The following FER1L6 variants were observed in gnomAD, a reference collection of about 807,000 sequenced individuals.
FER1L6 encodes fer-1-like protein 6.
A neutral mutation model predicts 219.2 loss-of-function variants in FER1L6; 177 were observed. The observed-to-expected ratio is 0.81, with a 90% CI of 0.71 to 0.91. The LOEUF (loss-of-function observed/expected upper bound fraction) is 0.91. Ranked by LOEUF, FER1L6 falls within the 40% of genes least tolerant of loss-of-function variation. The probability of loss-of-function intolerance (pLI) is 0.00; values close to 1 mark genes in which losing one functional copy is unlikely to be tolerated. For missense variants in FER1L6, 2,153 were observed against 2,259.9 expected (o/e 0.95, Z 0.96); for synonymous variants, 768 against 824.3 (o/e 0.93, Z 1.17).
At chr8:123,872,110 G>A (rs1433221347) in intron 1 of FER1L6, among the ~76,000 whole-genome samples, 4 of 152,134 alleles carry the variant, frequency 2.6e-5, no homozygotes, top group African/African-American at 9.7e-5. Context: ...GAGTGAGAGA[G>A]AGAGTGAGGT....
chr8:124,096,900 T>G (rs1186701780), intron 35 of FER1L6, among the ~76,000 whole-genome samples: 2 of 152,006 alleles, frequency 1.3e-5, no homozygotes, highest in African/African-American at 4.8e-5. Flanking sequence ...GGCAAAATGT[T>G]TTTTCCTCTG....
chr8:123,868,057 CT>C (rs1295007812), intron 1 of FER1L6, among the ~76,000 whole-genome samples: 3 of 152,122 alleles, frequency 2.0e-5, no homozygotes, highest in African/African-American at 7.2e-5. Context: ...GTGTCTCTGG[CT>C]TTTTTCCCTC....
chr8:124,087,803 CTAAGCACAG>C (rs1347180167), intron 33 of FER1L6, among the ~76,000 whole-genome samples: 1 of 152,200 alleles, frequency 6.6e-6, no homozygotes, highest in Non-Finnish European at 1.5e-5. Flanking sequence ...TTAGGGGACA[CTAAGCACAG>C]TAATACTGTG....
At chr8:123,982,042 C>A (rs1816346658) in intron 11 of FER1L6, among the ~76,000 whole-genome samples, 1 of 152,174 alleles carries the variant, frequency 6.6e-6, no homozygotes, top group Admixed American at 6.5e-5. Context: ...CTCCTCTGAG[C>A]TCACATACTG....
chr8:123,939,274 A>G, intron 1 of FER1L6: 2 of 860,614 alleles, frequency 2.3e-6, no homozygotes, highest in South Asian at 5.3e-5. Flanking sequence ...GATAAATTTT[A>G]TTACATATTG....
intron 1 of FER1L6, among the ~76,000 whole-genome samples, chr8:123,877,705 T>C (rs1201669392): frequency 2.0e-5 from 3 of 150,440 alleles, no homozygotes; most frequent in African/African-American, 7.4e-5. Flanking sequence ...TTTCAAAAAA[T>C]CCACCGGAAT....
chr8:124,031,313 G>A (rs1269052689), intron 18 of FER1L6, among the ~76,000 whole-genome samples: 1 of 152,152 alleles, frequency 6.6e-6, no homozygotes, highest in Admixed American at 6.6e-5. Context: ...TCCCAAAATA[G>A]GGGGAAATCA....
At chr8:124,081,419 G>A (rs1037330189) in intron 32 of FER1L6, among the ~76,000 whole-genome samples, 4 of 152,014 alleles carry the variant, frequency 2.6e-5, no homozygotes, top group Admixed American at 2.6e-4. Context: ...TTAGGAACCT[G>A]GCACTTATCT....
At chr8:123,869,948 A>T (rs571044361) in intron 1 of FER1L6, among the ~76,000 whole-genome samples, 2 of 152,252 alleles carry the variant, frequency 1.3e-5, no homozygotes, top group Non-Finnish European at 2.9e-5. Context: ...GGATAGAGAA[A>T]GAAGACTTTT....
chr8:124,089,077 T>G (rs961899458), intron 33 of FER1L6, among the ~76,000 whole-genome samples: 8 of 152,164 alleles, frequency 5.3e-5, no homozygotes, highest in African/African-American at 1.9e-4. Context: ...GCACAGGAAT[T>G]TCAGTCCCTG....
In FER1L6 at chr8:124,070,462, TA is replaced by T. The variant is rs749852117; in HGVS notation, c.3835-2del. The T allele has an allele frequency of 1.4e-5, 23 of 1,613,078 alleles. No individual in the cohort carries two copies. In the African/African-American group the frequency reaches 2.5e-4, roughly 18 times the overall value. ...TTAGCACAATCTTCTCCCTTTTCCCTAAAGATATATGACGGTGATCTCGAGA... is the reference window on the plus strand; with the variant it reads ...TTAGCACAATCTTCTCCCTTTTCCCTAAGATATATGACGGTGATCTCGAGA... On this transcript the variant is annotated splice_region_variant and splice_polypyrimidine_tract_variant and intron_variant, in intron 29 of 40. Coordinates refer to ENST00000522917, the MANE Select transcript of FER1L6 (RefSeq NM_001039112.2).
At chr8:124,063,678 G>C (rs763229238) in intron 25 of FER1L6, among the ~76,000 whole-genome samples, 1 of 152,188 alleles carries the variant, frequency 6.6e-6, no homozygotes, top group Non-Finnish European at 1.5e-5. Context: ...ACCCATAAGA[G>C]TTTGTTGGGT....
At chr8:124,064,886 T>A (rs1204063202) in intron 26 of FER1L6, among the ~76,000 whole-genome samples, 2 of 152,202 alleles carry the variant, frequency 1.3e-5, no homozygotes, top group Non-Finnish European at 2.9e-5. Context: ...CCACAAATAT[T>A]TAGGTCCTAC....
chr8:123,934,912 A>G (rs959305196), intron 1 of FER1L6, among the ~76,000 whole-genome samples: 3 of 152,136 alleles, frequency 2.0e-5, no homozygotes, highest in South Asian at 4.2e-4. Context: ...CCGCCATGGT[A>G]AGATGTGCTT....
At chr8:123,888,619 T>C (rs148902832) in intron 1 of FER1L6, among the ~76,000 whole-genome samples, 1,680 of 152,254 alleles carry the variant, frequency 0.011, 14 homozygotes, top group Non-Finnish European at 0.017. Flanking sequence ...TTGGGGAGGT[T>C]TGGCCTTTAA....
intron 22 of FER1L6, among the ~76,000 whole-genome samples, chr8:124,056,762 C>T (rs1820316162): frequency 6.6e-6 from 1 of 152,104 alleles, no homozygotes; most frequent in African/African-American, 2.4e-5. Flanking sequence ...TAAGAACTTC[C>T]AGGCCAGGCA....
chr8:123,854,265 T>A (rs1816587485), intron 1 of FER1L6, among the ~76,000 whole-genome samples: 1 of 152,176 alleles, frequency 6.6e-6, no homozygotes, highest in Non-Finnish European at 1.5e-5. Context: ...AAATATTACC[T>A]GCATTTTATT....
At chr8:124,017,187 C>T (rs1186846159) in intron 15 of FER1L6, among the ~76,000 whole-genome samples, 1 of 152,002 alleles carries the variant, frequency 6.6e-6, no homozygotes, top group Admixed American at 6.6e-5. Flanking sequence ...TTAACTTTAC[C>T]TCCAAAAAAT....
At chr8:124,087,137 CTTA>C (rs1031941150) in intron 33 of FER1L6, among the ~76,000 whole-genome samples, 1 of 151,740 alleles carries the variant, frequency 6.6e-6, no homozygotes, top group African/African-American at 2.4e-5. Context: ...CTCTTGGTTT[CTTA>C]TTATCTCTTT....
Sources: allele counts gnomAD v4.1 joint callset (sites outside exome capture counted in the v4.1 genomes callset), GRCh38; gene constraint gnomAD v4.1.1; transcripts MANE v1.5; gene names NCBI Gene and HGNC (gene_info 2026-07-23, HGNC 2026-07-21).